Variants in TPPP observed in about 807,000 individuals in gnomAD.
TPPP encodes the protein tubulin polymerization-promoting protein.
In TPPP, 6 loss-of-function variants were observed where a neutral mutation model predicts 15.5. That is an observed-to-expected ratio of 0.39 (90% CI 0.21 to 0.77). The LOEUF is 0.77. Among genes scored for constraint, TPPP ranks in the 30% least tolerant of loss-of-function variants. The pLI is 0.42. For missense variants in TPPP, 269 were observed against 307.2 expected, an observed-to-expected ratio of 0.88 and a Z score of 0.93; for synonymous variants, 146 against 133.9, an observed-to-expected ratio of 1.09 and a Z score of -0.63.
At chr5:670,673 G>C (rs1383307084) in intron 2 of TPPP, among the ~76,000 whole-genome samples, 1 of 152,126 alleles carries the variant, frequency 6.6e-6, no homozygotes, top group African/African-American at 2.4e-5. Context: ...TGCTCCAGGA[G>C]GGTCCAGTGG....
intron 1 of TPPP, among the ~76,000 whole-genome samples, chr5:686,342 T>C (rs1579198690): frequency 6.6e-6 from 1 of 152,330 alleles, no homozygotes; most frequent in East Asian, 1.9e-4. Flanking sequence ...GCCGGGGCTC[T>C]CAAGGGAGGC....
At position 673,536 on chromosome 5, in the gene TPPP, C is replaced by T. The variant is rs529210684; in HGVS notation, c.311+4214G>A. Among the ~76,000 whole-genome samples, 40 of 152,250 alleles carry T rather than the reference C, an allele frequency of 2.6e-4. 1 individual carries two copies. Among genetic ancestry groups the T allele is most frequent in the African/African-American group, 9.1e-4 (38 of 41,548 alleles). On this transcript the variant is annotated intron_variant, in intron 2 of 3. Coordinates refer to ENST00000360578, the MANE Select transcript of TPPP (RefSeq NM_007030.3). The stretch of plus-strand genomic sequence containing the variant: ...AGTCCTGGCCACCTGAGCTGCTGCC[C>T]GCAGGACAATCTCCCACACGGCGCC...
At chr5:686,515 G>T (rs1325054969) in intron 1 of TPPP, among the ~76,000 whole-genome samples, 52 of 150,010 alleles carry the variant, frequency 3.5e-4, no homozygotes, top group African/African-American at 1.3e-3. Context: ...ACTGCCCTTG[G>T]GTTACCCTCG....
chr5:678,925 A>G (rs1262464191), intron 1 of TPPP, among the ~76,000 whole-genome samples: 1 of 152,148 alleles, frequency 6.6e-6, no homozygotes, highest in Non-Finnish European at 1.5e-5. Context: ...GGCTTCGGTA[A>G]GACCCAGTCA....
At chr5:674,753 G>A (rs1381447572) in intron 2 of TPPP, among the ~76,000 whole-genome samples, 1 of 151,794 alleles carries the variant, frequency 6.6e-6, no homozygotes, top group South Asian at 2.1e-4. Context: ...AGGCTGGTCT[G>A]TCCTCCAGGC....
intron 2 of TPPP, 61 bp downstream of exon 2, chr5:677,689 G>A (rs1327766633): frequency 1.4e-6 from 2 of 1,468,406 alleles, no homozygotes; most frequent in African/African-American, 2.8e-5. Context: ...CCCACCCAGG[G>A]GCTCAGGGCC....
intron 2 of TPPP, among the ~76,000 whole-genome samples, chr5:671,129 A>G (rs1458586197): frequency 6.6e-6 from 1 of 152,062 alleles, no homozygotes; most frequent in East Asian, 1.9e-4. Flanking sequence ...TGGCTACCGA[A>G]GGCTCCCCCC....
the TPPP span, among the ~76,000 whole-genome samples, chr5:699,893 C>A: frequency 2.0e-5 from 3 of 151,390 alleles, no homozygotes; most frequent in East Asian, 3.9e-4. Context: ...AATCTGAATG[C>A]AATACCATCT....
At chr5:694,323 C>G (rs1419234916), upstream of TPPP, among the ~76,000 whole-genome samples, 3 of 146,138 alleles carry the variant, frequency 2.1e-5, no homozygotes, top group African/African-American at 7.3e-5. Context: ...TGGAGGAGGC[C>G]GAGGCGCAGC....
chr5:688,646 C>G (rs11955529), intron 1 of TPPP, among the ~76,000 whole-genome samples: 13,093 of 141,746 alleles, frequency 0.092, 979 homozygotes, highest in Non-Finnish European at 0.15. Context: ...CCTGGGGACA[C>G]GTGGGCACTG....
chr5:681,016 T>A (rs1740607024), intron 1 of TPPP, among the ~76,000 whole-genome samples: 2 of 152,190 alleles, frequency 1.3e-5, no homozygotes. Flanking sequence ...GTTTCCACAA[T>A]GACGGTAATA....
chr5:673,602 C>T (rs979916967), intron 2 of TPPP, among the ~76,000 whole-genome samples: 41 of 152,314 alleles, frequency 2.7e-4, no homozygotes, highest in African/African-American at 8.4e-4. Context: ...TGCCCAGGAC[C>T]GGGTCTCAGC....
intron 2 of TPPP, among the ~76,000 whole-genome samples, chr5:669,283 G>A (rs995954963): frequency 5.3e-5 from 4 of 74,912 alleles, no homozygotes; most frequent in East Asian, 5.0e-4. Flanking sequence ...TGGTGAGCCC[G>A]GTGAGCCGGA....
At chr5:665,935 C>T in intron 3 of TPPP, 35 bp downstream of exon 3, 2 of 1,322,944 alleles carry the variant, frequency 1.5e-6, no homozygotes, top group South Asian at 1.6e-5. Flanking sequence ...CCCCCACCCC[C>T]TCCAGGCCCC....
At chr5:676,844 GAC>G (rs746307792) in intron 2 of TPPP, among the ~76,000 whole-genome samples, 114 of 129,056 alleles carry the variant, frequency 8.8e-4, no homozygotes, top group East Asian at 8.7e-3. Context: ...GTGCACACAC[GAC>G]ACAGAAACGC....
chr5:671,297 G>A (rs1284634392), intron 2 of TPPP, among the ~76,000 whole-genome samples: 1 of 152,194 alleles, frequency 6.6e-6, no homozygotes, highest in Non-Finnish European at 1.5e-5. Context: ...ACATCACTAG[G>A]AAGAGGTGGC....
upstream of TPPP, among the ~76,000 whole-genome samples, chr5:693,571 G>A (rs1416777157): frequency 6.6e-6 from 1 of 151,662 alleles, no homozygotes; most frequent in African/African-American, 2.4e-5. Context: ...AGGCCCCGCG[G>A]ACCGCCGGGT....
chr5:680,755 G>A (rs1456971604), intron 1 of TPPP, among the ~76,000 whole-genome samples: 1 of 152,056 alleles, frequency 6.6e-6, no homozygotes, highest in East Asian at 1.9e-4. Flanking sequence ...TCGCCTCAGA[G>A]CCCATCTGAG....
chr5:686,946 C>G (rs548577738), intron 1 of TPPP, among the ~76,000 whole-genome samples: 3 of 142,746 alleles, frequency 2.1e-5, no homozygotes, highest in African/African-American at 7.5e-5. Context: ...GGGCCCTTGT[C>G]GGACGCCAAG....
Sources: gnomAD v4.1 joint callset for allele counts (sites outside exome capture counted in the v4.1 genomes callset) on GRCh38, gnomAD v4.1.1 for gene constraint, MANE v1.5 for transcripts, NCBI Gene and HGNC (gene_info 2026-07-23, HGNC 2026-07-21) for gene names.